COL24A1: variants seen among roughly 807,000 people sequenced by gnomAD.
COL24A1 encodes the protein collagen type XXIV alpha 1 chain.
In COL24A1, 224 loss-of-function variants were observed where a neutral mutation model predicts 253.9. That is an observed-to-expected ratio of 0.88 (90% CI 0.79 to 0.99). COL24A1 has a LOEUF of 0.99. Among genes scored for constraint, COL24A1 ranks in the 50% least tolerant of loss-of-function variants. The pLI, the probability that COL24A1 is intolerant of heterozygous loss-of-function variation, is 0.00. For missense variants in COL24A1, 2,131 were observed against 2,068.5 expected, an observed-to-expected ratio of 1.03 and a Z score of -0.59; for synonymous variants, 685 against 673.7, an observed-to-expected ratio of 1.02 and a Z score of -0.26.
chr1:85,873,928 G>T (rs1680842948), intron 35 of COL24A1, among the ~76,000 whole-genome samples: 1 of 151,988 alleles, frequency 6.6e-6, no homozygotes, highest in Non-Finnish European at 1.5e-5. Context: ...ATTAAAGTAG[G>T]ACTGGCTCTC....
At chr1:86,110,661 G>A (rs1315857669) in intron 5 of COL24A1, among the ~76,000 whole-genome samples, 1 of 152,064 alleles carries the variant, frequency 6.6e-6, no homozygotes, top group Non-Finnish European at 1.5e-5. Flanking sequence ...CAGCGGCCCC[G>A]GGCAGTGAGG....
At chr1:85,760,273 G>C (rs142806826) in intron 55 of COL24A1, among the ~76,000 whole-genome samples, 8,684 of 152,018 alleles carry the variant, frequency 0.057, 353 homozygotes, top group Middle Eastern at 0.088. Context: ...TCAAACTCCT[G>C]ACCTCAGGTA....
chr1:86,143,135 ATAT>A (rs577244120), intron 2 of COL24A1, among the ~76,000 whole-genome samples: 12 of 152,240 alleles, frequency 7.9e-5, no homozygotes, highest in African/African-American at 9.6e-5. Context: ...ACCCAAGTGC[ATAT>A]TCTCAGGATG....
chr1:85,992,919 A>T (rs1359165384), intron 19 of COL24A1, among the ~76,000 whole-genome samples: 1 of 152,126 alleles, frequency 6.6e-6, no homozygotes, highest in East Asian at 1.9e-4. Flanking sequence ...CAGAAAAAAG[A>T]AGTAGTTTTA....
At position 85,889,491 on chromosome 1, in the gene COL24A1, A is replaced by G. The variant is rs185690155; in HGVS notation, c.2976+69T>C. 1.5e-3 allele frequency: 1,924 copies of G among 1,308,324 alleles called. 33 individuals carry two copies. In the Admixed American group the frequency reaches 0.024, roughly 17 times the overall value. The allele number at this position is 1,308,324 out of a possible 1,614,324, so 81.0% of individuals were successfully genotyped here. ...AAACATACCAGTCACAGCACAGCAG[A>G]GCAATAATGGAAATGTAAATGTATT... On this transcript the variant is annotated intron_variant, in intron 32 of 59. Transcript: ENST00000370571.
chr1:86,019,758 AT>A (rs1276092661), intron 18 of COL24A1, among the ~76,000 whole-genome samples: 1 of 152,120 alleles, frequency 6.6e-6, no homozygotes, highest in Non-Finnish European at 1.5e-5. Context: ...GCTGACATTA[AT>A]TTTCTTTATT....
intron 47 of COL24A1, among the ~76,000 whole-genome samples, chr1:85,805,797 C>T (rs1055722231): frequency 5.3e-5 from 8 of 151,982 alleles, no homozygotes; most frequent in Admixed American, 1.3e-4. Flanking sequence ...AGAAATAGGC[C>T]GGGCGCGGTG....
intron 47 of COL24A1, among the ~76,000 whole-genome samples, chr1:85,786,957 A>G (rs1669746725): frequency 6.6e-6 from 1 of 152,222 alleles, no homozygotes; most frequent in Non-Finnish European, 1.5e-5. Flanking sequence ...TCAGGTTGGC[A>G]AACTACACTT....
chr1:86,149,490 C>T (rs527899164), intron 1 of COL24A1, among the ~76,000 whole-genome samples: 2 of 152,280 alleles, frequency 1.3e-5, no homozygotes, highest in South Asian at 4.1e-4. Flanking sequence ...CTTAGGATTA[C>T]AGTCAATGAA....
intron 20 of COL24A1, among the ~76,000 whole-genome samples, chr1:85,971,814 G>A (rs563353504): frequency 3.3e-5 from 5 of 152,208 alleles, no homozygotes; most frequent in East Asian, 1.9e-4. Flanking sequence ...CTCAGTATTC[G>A]TTAGCTGAAG....
chr1:85,840,993 G>T (rs1386278434), intron 42 of COL24A1, among the ~76,000 whole-genome samples: 1 of 152,048 alleles, frequency 6.6e-6, no homozygotes, highest in East Asian at 1.9e-4. Context: ...GATTTGGGAA[G>T]TCACTATATT....
At chr1:85,747,174 C>T (rs912391109) in intron 55 of COL24A1, among the ~76,000 whole-genome samples, 7 of 142,252 alleles carry the variant, frequency 4.9e-5, no homozygotes, top group Non-Finnish European at 6.0e-5. Context: ...TGCAGTGGTG[C>T]GATCTCGGCT....
chr1:86,029,266 TC>T (rs1167535325), intron 14 of COL24A1, among the ~76,000 whole-genome samples: 2 of 152,142 alleles, frequency 1.3e-5, no homozygotes, highest in Non-Finnish European at 2.9e-5. Context: ...CCAACGAAAT[TC>T]TGGACTCTGG....
intron 19 of COL24A1, among the ~76,000 whole-genome samples, chr1:86,001,728 A>G (rs561118721): frequency 1.6e-4 from 24 of 152,300 alleles, no homozygotes; most frequent in African/African-American, 5.8e-4. Flanking sequence ...GAGATGGAAA[A>G]GAACTCATGC....
At chr1:85,739,195 C>T (rs1409024839) in intron 57 of COL24A1, among the ~76,000 whole-genome samples, 1 of 152,186 alleles carries the variant, frequency 6.6e-6, no homozygotes, top group Non-Finnish European at 1.5e-5. Flanking sequence ...CATATATCTT[C>T]TTTCACCTTC....
At chr1:86,147,836 A>G (rs1044511775) in intron 1 of COL24A1, among the ~76,000 whole-genome samples, 1 of 152,374 alleles carries the variant, frequency 6.6e-6, no homozygotes, top group African/African-American at 2.4e-5. Flanking sequence ...ATTTTATAAC[A>G]TGACATGACC....
chr1:86,125,456 T>A lies in COL24A1; in HGVS notation c.880A>T (p.Ile294Leu). The A allele has an allele frequency of 6.2e-7, 1 of 1,613,694 alleles. No homozygotes were observed. The highest frequency in any genetic ancestry group is 2.2e-5 in the East Asian group (1 of 44,850). The stretch of plus-strand genomic sequence containing the variant: ...TACACGGTTTCAGAATCATTTTTTA[T>A]GATATTTGGAATGCTTTTGCCTTCA... Reference protein sequence around the residue: ...FTEGKSIPNIIKNDSETVYKR... With the variant: ...FTEGKSIPNILKNDSETVYKR... Residue 294 changes from isoleucine to leucine, a missense_variant, in exon 3 of 60, where the codon ATA (isoleucine) becomes TTA (leucine). By Grantham distance (5) the Ile-to-Leu change is conservative. Coordinates refer to ENST00000370571, the MANE Select transcript of COL24A1 (RefSeq NM_152890.7).
In COL24A1 at chr1:86,022,568, C is replaced by T. The variant is rs201118131; in HGVS notation, c.2172G>A (p.Glu724=). ...CTCCAGGATACCCGGGTTCTCCTAGCTCTCCTGCTGTGCCTTGTTCACCCT... is the reference window on the plus strand; with the variant it reads ...CTCCAGGATACCCGGGTTCTCCTAGTTCTCCTGCTGTGCCTTGTTCACCCT... ...GDKGEQGTAG[E]LGEPGYPGDK... The change falls in exon 17 of 60, where the codon GAG becomes GAA. Residue 724 remains glutamate, a synonymous_variant. Coordinates refer to ENST00000370571, the MANE Select transcript of COL24A1 (RefSeq NM_152890.7). The T allele has an allele frequency of 1.4e-3, 2,187 of 1,612,944 alleles. 22 individuals carry two copies. The highest frequency in any genetic ancestry group is 9.7e-3 in the Middle Eastern group (59 of 6,056).
At chr1:85,912,290 C>T (rs1000591280) in intron 24 of COL24A1, among the ~76,000 whole-genome samples, 16 of 152,152 alleles carry the variant, frequency 1.1e-4, no homozygotes, top group African/African-American at 3.6e-4. Flanking sequence ...CAGGGTTTTT[C>T]CATCTTTGTC....
Sources: allele counts gnomAD v4.1 joint callset (sites outside exome capture counted in the v4.1 genomes callset), GRCh38; gene constraint gnomAD v4.1.1; transcripts MANE v1.5; gene names NCBI Gene and HGNC (gene_info 2026-07-23, HGNC 2026-07-21).